The following SLC25A21 variants were observed in gnomAD, a reference collection of about 807,000 sequenced individuals.
The protein encoded by SLC25A21 is solute carrier family 25 member 21.
SLC25A21 carries 47 observed loss-of-function variants against 43.8 expected under a neutral mutation model. The observed-to-expected ratio is 1.07, with a 90% CI of 0.85 to 1.37. The LOEUF (loss-of-function observed/expected upper bound fraction) is 1.37. Among genes scored for constraint, SLC25A21 ranks in the 40% most tolerant of loss-of-function variants. The probability of loss-of-function intolerance (pLI) is 0.00; values close to 1 mark genes in which losing one functional copy is unlikely to be tolerated. For missense variants in SLC25A21, 352 were observed against 350.2 expected (o/e 1.00, Z -0.04); for synonymous variants, 131 against 121.3 (o/e 1.08, Z -0.52).
At chr14:36,922,829 A>G (rs1420368604) in intron 1 of SLC25A21, among the ~76,000 whole-genome samples, 1 of 152,148 alleles carries the variant, frequency 6.6e-6, no homozygotes, top group African/African-American at 2.4e-5. Context: ...AAAGAATCCA[A>G]GATGACCCAC....
chr14:37,100,838 T>C (rs1962803971), intron 1 of SLC25A21, among the ~76,000 whole-genome samples: 4 of 152,180 alleles, frequency 2.6e-5, no homozygotes, highest in African/African-American at 7.2e-5. Flanking sequence ...AAATAATACC[T>C]ATTATTGGGT....
intron 3 of SLC25A21, among the ~76,000 whole-genome samples, chr14:36,767,988 C>G (rs1886476989): frequency 6.6e-6 from 1 of 152,202 alleles, no homozygotes; most frequent in African/African-American, 2.4e-5. Context: ...TGGCCCACAT[C>G]TGGGCCGGCT....
chr14:36,962,055 C>T (rs745516867), intron 1 of SLC25A21, among the ~76,000 whole-genome samples: 1 of 152,188 alleles, frequency 6.6e-6, no homozygotes, highest in Non-Finnish European at 1.5e-5. Flanking sequence ...ACAACTGCAG[C>T]GACTTCCAAG....
intron 7 of SLC25A21, among the ~76,000 whole-genome samples, chr14:36,696,120 G>T (rs1300696160): frequency 6.6e-6 from 1 of 152,156 alleles, no homozygotes; most frequent in East Asian, 1.9e-4. Flanking sequence ...AGCATGAAGG[G>T]CTGTTGAATT....
chr14:36,722,680 T>C (rs947916604), intron 6 of SLC25A21, among the ~76,000 whole-genome samples: 4 of 152,212 alleles, frequency 2.6e-5, no homozygotes, highest in Non-Finnish European at 5.9e-5. Flanking sequence ...ATTTTTTAAA[T>C]GTAGCTACTA....
At chr14:36,721,997 C>G (rs569497160) in intron 6 of SLC25A21, among the ~76,000 whole-genome samples, 1 of 152,172 alleles carries the variant, frequency 6.6e-6, no homozygotes, top group Admixed American at 6.5e-5. Flanking sequence ...CTATTCCAGT[C>G]TCCTCTCCAG....
At chr14:37,050,785 T>C (rs1961686444) in intron 1 of SLC25A21, among the ~76,000 whole-genome samples, 4 of 152,176 alleles carry the variant, frequency 2.6e-5, no homozygotes, top group Non-Finnish European at 5.9e-5. Context: ...ACAAAATTAT[T>C]AACTTGAAGC....
At chr14:37,078,842 C>CTT (rs112086617) in intron 1 of SLC25A21, among the ~76,000 whole-genome samples, 8 of 144,248 alleles carry the variant, frequency 5.5e-5, no homozygotes, top group African/African-American at 1.3e-4. Flanking sequence ...CATTATTTTC[C>CTT]TTTTTTTTTT....
chr14:37,122,392 C>T (rs1438554762), intron 1 of SLC25A21, among the ~76,000 whole-genome samples: 1 of 152,148 alleles, frequency 6.6e-6, no homozygotes, highest in East Asian at 1.9e-4. Context: ...TTCCCTTATT[C>T]GTTCAAAAGA....
At chr14:36,815,107 G>A (rs1231242925) in intron 2 of SLC25A21, among the ~76,000 whole-genome samples, 1 of 152,140 alleles carries the variant, frequency 6.6e-6, no homozygotes. Context: ...CTCATAAGTG[G>A]GAGTTGAACA....
In SLC25A21 at chr14:36,825,875, A is replaced by T. The variant is rs553429236; in HGVS notation, c.120-11874T>A. ...CCGCTGGGGTGAATTGTCATATCTA[A>T]TGAAACTCCCCTCATTCTCATGCAA... On this transcript the variant is annotated intron_variant, in intron 2 of 9. Coordinates refer to ENST00000331299, the MANE Select transcript of SLC25A21 (RefSeq NM_030631.4). Among the ~76,000 whole-genome samples, 7 of 152,314 alleles carry T rather than the reference A, an allele frequency of 4.6e-5. 1 individual carries two copies. Among genetic ancestry groups the T allele is most frequent in the Admixed American group, 1.3e-4 (2 of 15,294 alleles).
chr14:36,813,377 T>C (rs140559475), intron 3 of SLC25A21, among the ~76,000 whole-genome samples: 2 of 151,782 alleles, frequency 1.3e-5, no homozygotes, highest in Non-Finnish European at 2.9e-5. Flanking sequence ...TTTTTTTTTT[T>C]CTTAAAGACA....
chr14:36,928,216 G>C (rs1892186097), intron 1 of SLC25A21, among the ~76,000 whole-genome samples: 1 of 152,074 alleles, frequency 6.6e-6, no homozygotes. Context: ...TTATTAATTT[G>C]TCTTGCAAGA....
chr14:36,783,223 C>T (rs879479633), intron 3 of SLC25A21, among the ~76,000 whole-genome samples: 12 of 18,662 alleles, frequency 6.4e-4, no homozygotes, highest in South Asian at 5.4e-3. Flanking sequence ...GGTGGGGGGG[C>T]GGAGGAGGAA....
chr14:36,890,597 A>G (rs550927814), intron 1 of SLC25A21, among the ~76,000 whole-genome samples: 1 of 152,240 alleles, frequency 6.6e-6, no homozygotes, highest in South Asian at 2.1e-4. Context: ...TAACATTTGG[A>G]TTTTTTCACT....
chr14:36,852,560 T>C (rs557614285), intron 2 of SLC25A21, among the ~76,000 whole-genome samples: 1 of 152,300 alleles, frequency 6.6e-6, no homozygotes, highest in East Asian at 1.9e-4. Flanking sequence ...CAGAAAGTAA[T>C]ATATAGTGTG....
chr14:36,711,450 G>C lies in SLC25A21; in HGVS notation c.471C>G (p.Ile157Met). Residue 157 changes from isoleucine to methionine, a missense_variant, in exon 7 of 10, where the codon ATC becomes ATG. Coordinates refer to ENST00000331299, the MANE Select transcript of SLC25A21 (RefSeq NM_030631.4). ...QPSTVGYARQ[I>M]IKKEGWGLQG... Reference sequence around the variant, plus strand: ...GGAGTCCCCAGCCTTCCTTCTTAATGATTTGTCTTGCATAACCCACAGTGG... The same window carrying C: ...GGAGTCCCCAGCCTTCCTTCTTAATCATTTGTCTTGCATAACCCACAGTGG... 1 of 1,614,050 alleles carries C rather than the reference G, an allele frequency of 6.2e-7. No homozygotes were observed. Among genetic ancestry groups the C allele is most frequent in the Non-Finnish European group, 8.5e-7 (1 of 1,180,000 alleles).
At chr14:36,688,552 C>T (rs1002447896) in intron 7 of SLC25A21, among the ~76,000 whole-genome samples, 1 of 152,230 alleles carries the variant, frequency 6.6e-6, no homozygotes, top group African/African-American at 2.4e-5. Flanking sequence ...GGGCAGTACC[C>T]AGGCAGCATC....
chr14:36,840,221 A>T (rs537024179), intron 2 of SLC25A21, among the ~76,000 whole-genome samples: 1,746 of 151,338 alleles, frequency 0.012, 41 homozygotes, highest in African/African-American at 0.041. Flanking sequence ...TTTTTTTTTT[A>T]AACAGTATTA....
Sources: allele counts gnomAD v4.1 joint callset (sites outside exome capture counted in the v4.1 genomes callset), GRCh38; gene constraint gnomAD v4.1.1; transcripts MANE v1.5; gene names NCBI Gene and HGNC (gene_info 2026-07-23, HGNC 2026-07-21).